RBPJ: variants seen among roughly 807,000 people sequenced by gnomAD.
The protein encoded by RBPJ is recombination signal binding protein for immunoglobulin kappa J region, also known as recombining binding protein suppressor of hairless.
A neutral mutation model predicts 67.8 loss-of-function variants in RBPJ; 9 were observed. That is an observed-to-expected ratio of 0.13 (90% confidence interval 0.08 to 0.23). The LOEUF (loss-of-function observed/expected upper bound fraction) is 0.23, where lower values mean the gene tolerates loss of function less well. Among genes scored for constraint, RBPJ ranks in the 10% least tolerant of loss-of-function variants. RBPJ has a pLI of 1.00. For synonymous variants in RBPJ, 198 were observed against 203.3 expected (o/e 0.97, Z 0.22); for missense variants, 305 against 595.6 (o/e 0.51, Z 5.08).
chr4:26,255,382 C>T (rs369089320), intron 1 of RBPJ, among the ~76,000 whole-genome samples: 10 of 91,206 alleles, frequency 1.1e-4, no homozygotes, highest in African/African-American at 3.4e-4. Flanking sequence ...CCAGCCTGGG[C>T]GACAGAGCGA....
chr4:26,376,990 T>C (rs1394985074), intron 1 of RBPJ, among the ~76,000 whole-genome samples: 1 of 152,214 alleles, frequency 6.6e-6, no homozygotes, highest in African/African-American at 2.4e-5. Context: ...TTCTTTGTTG[T>C]TGAGCTTAGG....
chr4:26,230,219 T>C (rs1295067314), intron 1 of RBPJ, among the ~76,000 whole-genome samples: 1 of 150,526 alleles, frequency 6.6e-6, no homozygotes, highest in Non-Finnish European at 1.5e-5. Flanking sequence ...TTATGACACA[T>C]GTTCATAGCA....
the RBPJ span, among the ~76,000 whole-genome samples, chr4:26,128,169 A>C: frequency 6.6e-6 from 1 of 152,216 alleles, no homozygotes; most frequent in South Asian, 2.1e-4. Context: ...GAAGGCAGGA[A>C]GCAGGTGGGT....
At chr4:26,233,598 G>C (rs1180778701) in intron 1 of RBPJ, among the ~76,000 whole-genome samples, 1 of 152,006 alleles carries the variant, frequency 6.6e-6, no homozygotes, top group East Asian at 1.9e-4. Context: ...GTTATTATTG[G>C]GATCCTTAGT....
chr4:26,266,490 A>G (rs997808687), intron 1 of RBPJ, among the ~76,000 whole-genome samples: 1 of 152,196 alleles, frequency 6.6e-6, no homozygotes, highest in Non-Finnish European at 1.5e-5. Flanking sequence ...GAAACTTAGC[A>G]AGGCCTATTT....
chr4:26,229,015 A>C (rs1427402366), intron 1 of RBPJ, among the ~76,000 whole-genome samples: 2 of 152,190 alleles, frequency 1.3e-5, no homozygotes, highest in East Asian at 3.8e-4. Context: ...GGAGCCTTAG[A>C]GCTCTTCTTG....
chr4:26,233,554 C>T (rs559652267), intron 1 of RBPJ, among the ~76,000 whole-genome samples: 2 of 152,206 alleles, frequency 1.3e-5, no homozygotes, highest in Non-Finnish European at 2.9e-5. Context: ...ACTACCTTCT[C>T]ATTTTAGTTT....
chr4:26,183,924 A>G (rs908315466), intron 1 of RBPJ, among the ~76,000 whole-genome samples: 5 of 152,182 alleles, frequency 3.3e-5, no homozygotes, highest in Non-Finnish European at 7.3e-5. Context: ...AGGCAGGAGA[A>G]TCGCTTGAAC....
At chr4:26,294,709 G>A (rs1400424294) in intron 1 of RBPJ, among the ~76,000 whole-genome samples, 2 of 151,918 alleles carry the variant, frequency 1.3e-5, no homozygotes, top group Non-Finnish European at 2.9e-5. Flanking sequence ...GTGAAACCCT[G>A]TCTCTACTAA....
intron 1 of RBPJ, among the ~76,000 whole-genome samples, chr4:26,265,281 C>T (rs138648344): frequency 6.6e-6 from 1 of 152,236 alleles, no homozygotes; most frequent in African/African-American, 2.4e-5. Flanking sequence ...ACAATCCCAG[C>T]ACTTTGGGAG....
intron 1 of RBPJ, among the ~76,000 whole-genome samples, chr4:26,323,127 G>A (rs1314519491): frequency 1.3e-5 from 2 of 151,646 alleles, no homozygotes; most frequent in African/African-American, 2.4e-5. Context: ...TTAATTAATG[G>A]AAAACCATGT....
intron 3 of RBPJ, among the ~76,000 whole-genome samples, chr4:26,409,562 C>G (rs1472829672): frequency 6.6e-6 from 1 of 152,084 alleles, no homozygotes; most frequent in East Asian, 1.9e-4. Flanking sequence ...TGCAGTGGTG[C>G]AATCTTGGCT....
chr4:26,295,301 TC>T (rs1721834540), intron 1 of RBPJ, among the ~76,000 whole-genome samples: 2 of 151,120 alleles, frequency 1.3e-5, no homozygotes, highest in African/African-American at 4.9e-5. Context: ...TGTGTGTGGG[TC>T]TTCCACACAT....
upstream of RBPJ, chr4:26,319,676 G>C (rs1284758567): frequency 3.8e-5 from 25 of 656,170 alleles, no homozygotes; most frequent in Non-Finnish European, 6.4e-5. Flanking sequence ...GAAGGCGGTG[G>C]GAAGGAGGTG....
chr4:26,138,809 G>C, the RBPJ span, among the ~76,000 whole-genome samples: 2 of 152,244 alleles, frequency 1.3e-5, no homozygotes, highest in Non-Finnish European at 2.9e-5. Context: ...AATGAGGCCT[G>C]AGGGCCAATC....
At chr4:26,173,377 C>T (rs1434724194) in intron 1 of RBPJ, among the ~76,000 whole-genome samples, 1 of 152,166 alleles carries the variant, frequency 6.6e-6, no homozygotes, top group East Asian at 1.9e-4. Context: ...CTCAAGTGAT[C>T]TGCCCACCTC....
intron 1 of RBPJ, among the ~76,000 whole-genome samples, chr4:26,247,858 T>A (rs1453984626): frequency 6.6e-6 from 1 of 151,862 alleles, no homozygotes; most frequent in Non-Finnish European, 1.5e-5. Flanking sequence ...GAGGAAGGAG[T>A]GCAATAGTTG....
rs562565741 is a variant in RBPJ, at chr4:26,428,609, C to T, written c.748-111C>T. On this transcript the variant is annotated intron_variant, in intron 7 of 10. Transcript: ENST00000355476. ...ATATATGTAGGCATAGGACAAATAA[C>T]TGTGATGTATTATTATGCAGTATAT... is the stretch of plus-strand genomic sequence containing the variant. 7.1e-5 allele frequency: 53 copies of T among 745,642 alleles called. No individual in the cohort carries two copies. In the East Asian group the frequency reaches 1.2e-3, roughly 16 times the overall value. 46.2% of individuals were successfully genotyped at this position (745,642 alleles called of 1,614,324 possible).
At chr4:26,246,026 G>T (rs1046372612) in intron 1 of RBPJ, among the ~76,000 whole-genome samples, 13 of 152,154 alleles carry the variant, frequency 8.5e-5, no homozygotes, top group African/African-American at 3.1e-4. Context: ...TTCTTTAAAA[G>T]ATTGTTATAG....
Sources: allele counts gnomAD v4.1 joint callset (sites outside exome capture counted in the v4.1 genomes callset), GRCh38; gene constraint gnomAD v4.1.1; transcripts MANE v1.5; gene names NCBI Gene and HGNC (gene_info 2026-07-23, HGNC 2026-07-21).